Variants in STK24 observed in about 807,000 individuals in gnomAD.
The protein encoded by STK24 is serine/threonine-protein kinase 24.
A neutral mutation model predicts 55.6 loss-of-function variants in STK24; 21 were observed. The observed-to-expected ratio is 0.38, with a 90% CI of 0.27 to 0.54. The LOEUF (loss-of-function observed/expected upper bound fraction) is 0.54. Ranked by LOEUF, STK24 falls within the 20% of genes least tolerant of loss-of-function variation. The probability of loss-of-function intolerance (pLI) is 0.79; values close to 1 mark genes in which losing one functional copy is unlikely to be tolerated. For missense variants in STK24, 383 were observed against 538.4 expected (o/e 0.71, Z 2.86); for synonymous variants, 200 against 215.2 (o/e 0.93, Z 0.62).
chr13:98,470,432 A>G (rs1894099888), intron 5 of STK24, among the ~76,000 whole-genome samples: 1 of 152,196 alleles, frequency 6.6e-6, no homozygotes, highest in African/African-American at 2.4e-5. Flanking sequence ...TGCCTGGCCT[A>G]TGTCTGAGTT....
intron 2 of STK24, among the ~76,000 whole-genome samples, chr13:98,484,567 G>C (rs1337269772): frequency 6.6e-6 from 1 of 152,190 alleles, no homozygotes; most frequent in Admixed American, 6.5e-5. Context: ...CAAGGCACAA[G>C]TGACCACCCC....
At chr13:98,475,591 A>G (rs1003414293) in intron 3 of STK24, among the ~76,000 whole-genome samples, 2 of 152,202 alleles carry the variant, frequency 1.3e-5, no homozygotes, top group African/African-American at 4.8e-5. Context: ...GCAGAGAAGC[A>G]AAGAGGAGCC....
At chr13:98,522,281 C>A (rs1402983816) in intron 1 of STK24, among the ~76,000 whole-genome samples, 1 of 152,184 alleles carries the variant, frequency 6.6e-6, no homozygotes, top group African/African-American at 2.4e-5. Context: ...AGGTCCCAGC[C>A]TGGGCCTCTA....
chr13:98,483,781 AG>A (rs1410075046), intron 2 of STK24, among the ~76,000 whole-genome samples: 11 of 152,242 alleles, frequency 7.2e-5, no homozygotes, highest in African/African-American at 2.7e-4. Flanking sequence ...CCTGTGACCA[AG>A]GAAGAGTAAC....
intron 1 of STK24, among the ~76,000 whole-genome samples, chr13:98,536,566 G>T (rs1195779412): frequency 6.6e-6 from 1 of 151,948 alleles, no homozygotes; most frequent in African/African-American, 2.4e-5. Flanking sequence ...CGGGGTCTAT[G>T]TTGCCCAGGA....
At position 98,538,072 on chromosome 13, in the gene STK24, T is replaced by G. The variant is rs546714985; in HGVS notation, c.43-18599A>C. On this transcript the variant is annotated intron_variant, in intron 1 of 10. Coordinates refer to ENST00000539966, the MANE Select transcript of STK24 (RefSeq NM_001032296.4). Reference sequence around the variant, plus strand: ...TCTGTCACAACAGACACCTGCTTTCTGGTGCCCATCAATGTCACTAATCCA... The same window carrying G: ...TCTGTCACAACAGACACCTGCTTTCGGGTGCCCATCAATGTCACTAATCCA... Among the ~76,000 whole-genome samples the G allele has an allele frequency of 3.3e-4, 50 of 152,266 alleles. 1 individual carries two copies. In the South Asian group the frequency reaches 9.8e-3, roughly 30 times the overall value.
chr13:98,549,812 A>C (rs1374506849), intron 1 of STK24, among the ~76,000 whole-genome samples: 3 of 152,168 alleles, frequency 2.0e-5, no homozygotes, highest in Admixed American at 6.5e-5. Flanking sequence ...TGAAGGCAGA[A>C]CCCTCATCAG....
intron 1 of STK24, among the ~76,000 whole-genome samples, chr13:98,531,146 T>C (rs1295764750): frequency 1.3e-5 from 2 of 152,234 alleles, no homozygotes; most frequent in Non-Finnish European, 2.9e-5. Flanking sequence ...GAAGGAATAG[T>C]GAACAATTTG....
At position 98,448,547 on chromosome 13, in the gene STK24, T is replaced by C; in HGVS notation, c.*4626A>G. ...TCCGCTGGGGGCGCTGTTCTTTAGCTAGTGCCAGTATTAAAACATTGTCAT... is the reference window on the plus strand; with the variant it reads ...TCCGCTGGGGGCGCTGTTCTTTAGCCAGTGCCAGTATTAAAACATTGTCAT... On this transcript the variant is annotated 3_prime_UTR_variant, in exon 11 of 11. Coordinates refer to ENST00000539966, the MANE Select transcript of STK24 (RefSeq NM_001032296.4). 1.8e-6 allele frequency: 1 copy of C among 543,392 alleles called. No homozygotes were observed. The highest frequency in any genetic ancestry group is 1.9e-5 in the African/African-American group (1 of 52,576). The allele number at this position is 543,392 out of a possible 1,614,324, so 33.7% of individuals were successfully genotyped here. A position where few individuals can be genotyped will look rare whatever the true frequency, so the allele number is the denominator to read the frequency against.
chr13:98,573,453 T>C (rs1375156509), intron 1 of STK24, among the ~76,000 whole-genome samples: 2 of 152,220 alleles, frequency 1.3e-5, no homozygotes, highest in Non-Finnish European at 2.9e-5. Flanking sequence ...ACTATATTCA[T>C]TCAGTTTCTG....
rs929245568 is a variant in STK24 at position 98,450,124 on chromosome 13, AAATACTAGT to A, written c.*3040_*3048del. 2 of 152,238 alleles carry A rather than the reference AAATACTAGT, an allele frequency of 1.3e-5. No homozygotes were observed. Among genetic ancestry groups the A allele is most frequent in the African/African-American group, 4.8e-5 (2 of 41,462 alleles). 9.4% of individuals were successfully genotyped at this position (152,238 alleles called of 1,614,324 possible). On this transcript the variant is annotated 3_prime_UTR_variant, in exon 11 of 11. Transcript: ENST00000539966. ...CTCTGCTTCCTGTGTGCCCTCAAGA[AAATACTAGT>A]GTGGGTAACAGTCCATCTGAGTGGA...
chr13:98,528,937 G>A (rs1180969132), intron 1 of STK24, among the ~76,000 whole-genome samples: 1 of 152,176 alleles, frequency 6.6e-6, no homozygotes, highest in Non-Finnish European at 1.5e-5. Flanking sequence ...GGAGTTGGCT[G>A]CAGGCACGGA....
chr13:98,512,116 G>C (rs1320349329), intron 2 of STK24, among the ~76,000 whole-genome samples: 1 of 152,048 alleles, frequency 6.6e-6, no homozygotes, highest in African/African-American at 2.4e-5. Flanking sequence ...TCGAACTTCT[G>C]ACCTCAAGTG....
chr13:98,496,478 C>T (rs1225328385), intron 2 of STK24, among the ~76,000 whole-genome samples: 8 of 152,166 alleles, frequency 5.3e-5, no homozygotes, highest in Non-Finnish European at 1.0e-4. Context: ...GCTGTGGCTG[C>T]GCAACCAGAA....
In STK24 at chr13:98,447,089, T is replaced by C. The variant is rs145809787; in HGVS notation, c.*6084A>G. 4.0e-5 allele frequency: 16 copies of C among 400,016 alleles called. No homozygotes were observed. The highest frequency in any genetic ancestry group is 6.5e-5 in the Non-Finnish European group (14 of 216,448). The allele number at this position is 400,016 out of a possible 1,614,324, so 24.8% of individuals were successfully genotyped here. A position where few individuals can be genotyped will look rare whatever the true frequency, so the allele number is the denominator to read the frequency against. ...GATCTCTGACATAACGTGTCCGGGA[T>C]GATGAAGCTAAGCCCCAGTGAGACT... On this transcript the variant is annotated 3_prime_UTR_variant, in exon 11 of 11. Transcript: ENST00000539966.
At chr13:98,547,605 G>A (rs765028764) in intron 1 of STK24, among the ~76,000 whole-genome samples, 21 of 152,196 alleles carry the variant, frequency 1.4e-4, no homozygotes, top group Non-Finnish European at 2.9e-5. Flanking sequence ...TTTGCAGTCA[G>A]CTGGTTTTCC....
intron 5 of STK24, among the ~76,000 whole-genome samples, chr13:98,470,328 G>C (rs1301032777): frequency 6.6e-6 from 1 of 152,010 alleles, no homozygotes; most frequent in African/African-American, 2.4e-5. Context: ...GGGGGGTCTT[G>C]CTTTGTTGCC....
chr13:98,567,478 C>T (rs185247404), intron 1 of STK24, among the ~76,000 whole-genome samples: 4 of 152,310 alleles, frequency 2.6e-5, no homozygotes, highest in African/African-American at 4.8e-5. Flanking sequence ...ATGAGGCTCC[C>T]GGACATCGTT....
In STK24 at chr13:98,446,845, C is replaced by A; in HGVS notation, c.*6328G>T. Reference sequence around the variant, plus strand: ...AGACACCCCCTTCCCACGCACAGGGCCCTGCAGAAGAGGACCCCCTCTTCC... The same window carrying A: ...AGACACCCCCTTCCCACGCACAGGGACCTGCAGAAGAGGACCCCCTCTTCC... On this transcript the variant is annotated 3_prime_UTR_variant, in exon 11 of 11. Coordinates refer to ENST00000539966, the MANE Select transcript of STK24 (RefSeq NM_001032296.4). 5.6e-6 allele frequency: 9 copies of A among 1,611,760 alleles called. No individual in the cohort carries two copies. Among genetic ancestry groups the A allele is most frequent in the Non-Finnish European group, 7.6e-6 (9 of 1,178,236 alleles).
Sources: allele counts gnomAD v4.1 joint callset (sites outside exome capture counted in the v4.1 genomes callset), GRCh38; gene constraint gnomAD v4.1.1; transcripts MANE v1.5; gene names NCBI Gene and HGNC (gene_info 2026-07-23, HGNC 2026-07-21).